RARB: variants seen among roughly 807,000 people sequenced by gnomAD.
The protein encoded by RARB is retinoic acid receptor beta, also known as HBV-activated protein.
Under a neutral mutation model 51.9 loss-of-function variants are expected in RARB, and 17 were observed. That is an observed-to-expected ratio of 0.33 (90% confidence interval 0.22 to 0.49). The LOEUF is 0.49. RARB is among the 20% of genes least tolerant of loss of function. The pLI is 0.99. For missense variants in RARB, 369 were observed against 550.8 expected, an observed-to-expected ratio of 0.67 and a Z score of 3.30; for synonymous variants, 215 against 195.4, an observed-to-expected ratio of 1.10 and a Z score of -0.84.
intron 3 of RARB, among the ~76,000 whole-genome samples, chr3:25,550,559 C>G (rs1263829812): frequency 6.6e-6 from 1 of 152,156 alleles, no homozygotes; most frequent in Non-Finnish European, 1.5e-5. Context: ...TACGTCACCT[C>G]CCAAAGGCCT....
intron 2 of RARB, among the ~76,000 whole-genome samples, chr3:25,023,345 T>C (rs1007643242): frequency 2.0e-5 from 3 of 152,180 alleles, no homozygotes; most frequent in Admixed American, 6.6e-5. Flanking sequence ...GAGTAGGAGA[T>C]TGATTGATTA....
At chr3:24,956,583 A>T (rs1696019092) in intron 2 of RARB, among the ~76,000 whole-genome samples, 1 of 152,200 alleles carries the variant, frequency 6.6e-6, no homozygotes, top group African/African-American at 2.4e-5. Context: ...TCCCAGACAC[A>T]TTTGTGGCTT....
chr3:25,508,931 C>T (rs1036110874), intron 3 of RARB, among the ~76,000 whole-genome samples: 2 of 151,952 alleles, frequency 1.3e-5, no homozygotes, highest in Admixed American at 6.6e-5. Context: ...ACCAGCAGCC[C>T]GGTGATGTCA....
intron 1 of RARB, among the ~76,000 whole-genome samples, chr3:24,845,462 A>G (rs1045918747): frequency 6.6e-6 from 1 of 152,182 alleles, no homozygotes; most frequent in South Asian, 2.1e-4. Flanking sequence ...ATTGACATTC[A>G]GTTGGCAGAT....
intron 2 of RARB, among the ~76,000 whole-genome samples, chr3:24,988,698 T>A (rs932560902): frequency 5.3e-5 from 8 of 152,256 alleles, no homozygotes; most frequent in Non-Finnish European, 1.2e-4. Flanking sequence ...ATGTATGCAA[T>A]GATATCAAAT....
At chr3:25,507,488 T>G (rs1270100846) in intron 3 of RARB, among the ~76,000 whole-genome samples, 1 of 152,202 alleles carries the variant, frequency 6.6e-6, no homozygotes, top group Non-Finnish European at 1.5e-5. Context: ...TGAGAATTGA[T>G]GCTTTTAATC....
At position 24,830,285 on chromosome 3, in the gene RARB, T is replaced by A. The variant is rs1433984844; in HGVS notation, c.-459+882T>A. 2.8e-5 allele frequency among the ~76,000 whole-genome samples: 4 copies of A among 141,260 alleles called. No homozygotes were observed. In the Admixed American group the frequency reaches 3.1e-4, roughly 11 times the overall value. The allele number at this position is 141,260 out of a possible 152,430, so 92.7% of individuals were successfully genotyped here. On this transcript the variant is annotated intron_variant, in intron 1 of 11. Transcript: ENST00000383772. Reference sequence around the variant, plus strand: ...GTGCCCCAGTGTGCACTTTTCTCCCTCCAGATATTTTGAAAAAGGTGTGCA... The same window carrying A: ...GTGCCCCAGTGTGCACTTTTCTCCCACCAGATATTTTGAAAAAGGTGTGCA...
At chr3:24,895,203 C>A (rs1211028662) in intron 2 of RARB, among the ~76,000 whole-genome samples, 1 of 152,114 alleles carries the variant, frequency 6.6e-6, no homozygotes, top group African/African-American at 2.4e-5. Flanking sequence ...GCTCAGAATT[C>A]CATGGATTGT....
intron 5 of RARB, among the ~76,000 whole-genome samples, chr3:25,395,657 C>CCG (rs1707093158): frequency 6.6e-6 from 1 of 152,120 alleles, no homozygotes; most frequent in South Asian, 2.1e-4. Context: ...TCATCAAGCT[C>CCG]TGAAGTTCTT....
intron 1 of RARB, among the ~76,000 whole-genome samples, chr3:25,460,105 C>T (rs912004125): frequency 6.6e-6 from 1 of 152,096 alleles, no homozygotes; most frequent in Non-Finnish European, 1.5e-5. Context: ...AAAAGTGAAT[C>T]GCACCACTCT....
At chr3:24,932,922 T>G (rs547064515) in intron 2 of RARB, among the ~76,000 whole-genome samples, 90 of 152,230 alleles carry the variant, frequency 5.9e-4, no homozygotes, top group Middle Eastern at 6.8e-3. Context: ...AAAACCCATA[T>G]AATTTATTTA....
chr3:25,569,315 AC>A (rs1354665134), intron 3 of RARB, among the ~76,000 whole-genome samples: 1 of 152,238 alleles, frequency 6.6e-6, no homozygotes, highest in East Asian at 1.9e-4. Flanking sequence ...AAAAGCAAAG[AC>A]ACCAAAATGT....
chr3:25,473,117 A>G (rs1160844436), intron 2 of RARB, among the ~76,000 whole-genome samples: 1 of 152,178 alleles, frequency 6.6e-6, no homozygotes, highest in African/African-American at 2.4e-5. Context: ...TCTTCTTGTC[A>G]CTATCTCCTA....
At chr3:25,145,600 G>C (rs994041262) in intron 4 of RARB, among the ~76,000 whole-genome samples, 4 of 152,144 alleles carry the variant, frequency 2.6e-5, no homozygotes, top group African/African-American at 4.8e-5. Flanking sequence ...GTGGACATTA[G>C]GCACAAGGGA....
chr3:24,877,128 T>C (rs948379481), intron 2 of RARB, among the ~76,000 whole-genome samples: 4 of 152,086 alleles, frequency 2.6e-5, no homozygotes, highest in Non-Finnish European at 5.9e-5. Flanking sequence ...AGATGCACAA[T>C]GTAAAAGTAA....
intron 3 of RARB, among the ~76,000 whole-genome samples, chr3:25,568,353 C>T (rs565055441): frequency 1.1e-4 from 16 of 152,236 alleles, no homozygotes; most frequent in Non-Finnish European, 1.5e-4. Context: ...TTAAACTTGC[C>T]TACCTGATAA....
chr3:25,357,338 CT>C (rs1326574037), intron 5 of RARB, among the ~76,000 whole-genome samples: 3 of 152,126 alleles, frequency 2.0e-5, no homozygotes, highest in Non-Finnish European at 4.4e-5. Context: ...TGCTCATATC[CT>C]TCTCCCACTT....
At chr3:24,832,573 G>T (rs1306440567) in intron 1 of RARB, among the ~76,000 whole-genome samples, 3 of 142,200 alleles carry the variant, frequency 2.1e-5, no homozygotes, top group Non-Finnish European at 4.5e-5. Flanking sequence ...ACTATGTATT[G>T]GGGATTCAAG....
intron 2 of RARB, among the ~76,000 whole-genome samples, chr3:25,034,697 C>T (rs1458084975): frequency 1.3e-5 from 2 of 152,190 alleles, no homozygotes. Context: ...TTTGACTTAG[C>T]CAAACATCAG....
Sources: allele counts gnomAD v4.1 joint callset (sites outside exome capture counted in the v4.1 genomes callset), GRCh38; gene constraint gnomAD v4.1.1; transcripts MANE v1.5; gene names NCBI Gene and HGNC (gene_info 2026-07-23, HGNC 2026-07-21).